POLH: variants seen among roughly 807,000 people sequenced by gnomAD.
POLH encodes the protein DNA polymerase eta.
A neutral mutation model predicts 73.6 loss-of-function variants in POLH; 53 were observed. That is an observed-to-expected ratio of 0.72 (90% confidence interval 0.58 to 0.91). POLH has a LOEUF of 0.91. Among genes scored for constraint, POLH ranks in the 40% least tolerant of loss-of-function variants. POLH has a pLI of 0.00. For synonymous variants in POLH, 292 were observed against 308.5 expected (o/e 0.95, Z 0.56); for missense variants, 768 against 865.4 (o/e 0.89, Z 1.41).
intron 1 of POLH, among the ~76,000 whole-genome samples, chr6:43,581,684 G>A (rs1764250115): frequency 7.2e-6 from 1 of 138,414 alleles, no homozygotes; most frequent in Non-Finnish European, 1.5e-5. Context: ...TCGGGCGGCG[G>A]CGGCTGCGGT....
intron 6 of POLH, 57 bp downstream of exon 6, chr6:43,601,148 G>A (rs776056700): frequency 3.3e-6 from 4 of 1,229,102 alleles, no homozygotes; most frequent in Non-Finnish European, 4.8e-6. Context: ...GAAACTCTCT[G>A]GTTGTAGTTT....
At chr6:43,597,219 G>GA (rs1310493328) in intron 4 of POLH, among the ~76,000 whole-genome samples, 1 of 152,096 alleles carries the variant, frequency 6.6e-6, no homozygotes, top group Non-Finnish European at 1.5e-5. Context: ...GGGTTCAAGC[G>GA]AATCTCCTGC....
intron 3 of POLH, among the ~76,000 whole-genome samples, chr6:43,585,731 C>T (rs1764735069): frequency 6.6e-6 from 1 of 150,850 alleles, no homozygotes; most frequent in Admixed American, 6.6e-5. Context: ...CCACAACCTC[C>T]ATCTCTTGGA....
chr6:43,595,289 C>A (rs1235234762), intron 4 of POLH, among the ~76,000 whole-genome samples: 1 of 151,938 alleles, frequency 6.6e-6, no homozygotes, highest in Non-Finnish European at 1.5e-5. Flanking sequence ...CACCACCACG[C>A]CTGGCTAATT....
intron 4 of POLH, among the ~76,000 whole-genome samples, chr6:43,590,334 G>A (rs143050811): frequency 1.2e-3 from 176 of 150,576 alleles, no homozygotes; most frequent in African/African-American, 3.9e-3. Context: ...CTCCAGCCTC[G>A]GCAACAGAGC....
intron 1 of POLH, among the ~76,000 whole-genome samples, chr6:43,581,022 TGG>T (rs1764116646): frequency 8.0e-6 from 1 of 124,872 alleles, no homozygotes; most frequent in Admixed American, 7.6e-5. Flanking sequence ...CCGGACGGGG[TGG>T]CTGCCGGGCG....
In POLH at chr6:43,613,983, G is replaced by A; in HGVS notation, c.1568G>A (p.Ser523Asn). 1 of 1,614,084 alleles carries A rather than the reference G, an allele frequency of 6.2e-7. No individual in the cohort carries two copies. The highest frequency in any genetic ancestry group is 1.3e-5 in the African/African-American group (1 of 75,050). The change falls in exon 11 of 11, where the codon AGT (serine) becomes AAT (asparagine). Residue 523 changes from serine to asparagine, a missense_variant. Coordinates refer to ENST00000372236, the MANE Select transcript of POLH (RefSeq NM_006502.3). ...PSKPSLPFQT[S>N]QSTGTEPFFK... ...AAGCCCTCATTACCTTTTCAAACCAGTCAAAGTACAGGAACTGAGCCCTTC... is the reference window on the plus strand; with the variant it reads ...AAGCCCTCATTACCTTTTCAAACCAATCAAAGTACAGGAACTGAGCCCTTC...
intron 4 of POLH, among the ~76,000 whole-genome samples, chr6:43,591,918 A>G (rs1470909787): frequency 1.3e-5 from 2 of 152,196 alleles, no homozygotes; most frequent in African/African-American, 2.4e-5. Flanking sequence ...AAGATGGTAT[A>G]TACCTTCCTT....
In POLH at chr6:43,601,050, G is replaced by A. The variant is rs781009488; in HGVS notation, c.723G>A (p.Gly241=). Residue 241 remains glycine, a synonymous_variant, in exon 6 of 11, where the codon GGG becomes GGA. Transcript: ENST00000372236. ...KPNRQTLVSH[G]SVPQLFSQMP... ...ACCGCCAAACCCTGGTTTCACATGG[G>A]TCAGTCCCACAGCTCTTCAGCCAAA... 1 of 1,614,086 alleles carries A rather than the reference G, an allele frequency of 6.2e-7. No individual in the cohort carries two copies. The highest frequency in any genetic ancestry group is 2.2e-5 in the East Asian group (1 of 44,884).
chr6:43,586,522 A>G (rs1327001337), intron 3 of POLH, among the ~76,000 whole-genome samples: 2 of 152,216 alleles, frequency 1.3e-5, no homozygotes, highest in African/African-American at 4.8e-5. Flanking sequence ...ATATTGTCGT[A>G]GAAAACTAGG....
In POLH at chr6:43,587,494, T is replaced by G; in HGVS notation, c.490+5T>G. 6.3e-7 allele frequency: 1 copy of G among 1,594,666 alleles called. No homozygotes were observed. The highest frequency in any genetic ancestry group is 1.1e-5 in the South Asian group (1 of 90,724). Reference sequence around the variant, plus strand: ...CAGAAGAGACTGTTCAGAAAGGTACTTCCATAGCATCATACTGCTTCTGCT... The same window carrying G: ...CAGAAGAGACTGTTCAGAAAGGTACGTCCATAGCATCATACTGCTTCTGCT... On this transcript the variant is annotated splice_donor_5th_base_variant and intron_variant, in intron 4 of 10. Transcript: ENST00000372236.
rs114057608 is a variant in POLH, at chr6:43,578,493, C to A, written c.-5+2053C>A. ...AAATATCAGTAGTATTTAAAGCAGC[C>A]TGGCGGGGGGACAAGAGCGAGACTT... On this transcript the variant is annotated intron_variant, in intron 1 of 10. Transcript: ENST00000372236. 1,242 of 394,180 alleles carry A rather than the reference C, an allele frequency of 3.2e-3. 17 individuals carry two copies. Among genetic ancestry groups the A allele is most frequent in the African/African-American group, 0.025 (1,152 of 46,328 alleles). 24.4% of individuals were successfully genotyped at this position (394,180 alleles called of 1,614,324 possible). A position where few individuals can be genotyped will look rare whatever the true frequency, so the allele number is the denominator to read the frequency against.
intron 1 of POLH, among the ~76,000 whole-genome samples, chr6:43,580,951 C>G (rs1205728522): frequency 1.4e-5 from 2 of 147,874 alleles, no homozygotes; most frequent in Non-Finnish European, 3.0e-5. Flanking sequence ...CTGACCCCCC[C>G]ACCTCCCTCC....
Position 43,588,783 on chromosome 6 carries a change from T to G in POLH, c.490+1294T>G, listed in dbSNP as rs1765118604. The G allele has an allele frequency of 2.0e-5, 3 of 152,134 alleles. No homozygotes were observed. The South Asian group carries it at 6.2e-4, about 32-fold the overall frequency. 9.4% of individuals were successfully genotyped at this position (152,134 alleles called of 1,614,324 possible). A position where few individuals can be genotyped will look rare whatever the true frequency, so the allele number is the denominator to read the frequency against. On this transcript the variant is annotated intron_variant, in intron 4 of 10. Coordinates refer to ENST00000372236, the MANE Select transcript of POLH (RefSeq NM_006502.3). ...CTTTATAAGTTACTCAGTATTGCTT[T>G]GTCTATGTGCTTTTTAATTACAAGA...
chr6:43,597,550 TATA>T (rs1766224567), intron 4 of POLH, 143 bp from the exon 5 acceptor site: 1 of 703,008 alleles, frequency 1.4e-6, no homozygotes, highest in African/African-American at 1.8e-5. Context: ...TGAGCTCTCT[TATA>T]ATTGGTCTTC....
At chr6:43,612,169 C>T (rs1767957181) in intron 10 of POLH, among the ~76,000 whole-genome samples, 2 of 151,982 alleles carry the variant, frequency 1.3e-5, no homozygotes, top group South Asian at 4.2e-4. Flanking sequence ...TTTACAAAAC[C>T]AAATAACAAC....
chr6:43,592,924 C>T (rs1201208231), intron 4 of POLH, among the ~76,000 whole-genome samples: 1 of 151,988 alleles, frequency 6.6e-6, no homozygotes, highest in Non-Finnish European at 1.5e-5. Flanking sequence ...ACTATGTTGC[C>T]CGGGCTGGTC....
intron 4 of POLH, among the ~76,000 whole-genome samples, chr6:43,587,794 C>T (rs1456541978): frequency 6.6e-6 from 1 of 152,052 alleles, no homozygotes; most frequent in African/African-American, 2.4e-5. Context: ...TTTGGGAGGC[C>T]GAGGTGGGTG....
chr6:43,578,290 G>C (rs920883611), intron 1 of POLH: 4 of 289,602 alleles, frequency 1.4e-5, no homozygotes, highest in African/African-American at 9.2e-5. Flanking sequence ...AGGAGGCTGA[G>C]GCAGGAGAAT....
Sources: gnomAD v4.1 joint callset for allele counts (sites outside exome capture counted in the v4.1 genomes callset) on GRCh38, gnomAD v4.1.1 for gene constraint, MANE v1.5 for transcripts, NCBI Gene and HGNC (gene_info 2026-07-23, HGNC 2026-07-21) for gene names.